Variants in TLN2 observed in about 807,000 individuals in gnomAD.
TLN2 encodes the protein talin-2.
In TLN2, 118 loss-of-function variants were observed where a neutral mutation model predicts 294.7. The ratio of observed to expected loss-of-function variants is 0.40; its 90% CI spans 0.34 to 0.47. The LOEUF (loss-of-function observed/expected upper bound fraction) is 0.47, where lower values mean the gene tolerates loss of function less well. Among genes scored for constraint, TLN2 ranks in the 20% least tolerant of loss-of-function variants. The probability of loss-of-function intolerance (pLI) is 0.84; values close to 1 mark genes in which losing one functional copy is unlikely to be tolerated. For missense variants in TLN2, 3,083 were observed against 3,282.2 expected, an observed-to-expected ratio of 0.94 and a Z score of 1.48; for synonymous variants, 1,431 against 1,304.5, an observed-to-expected ratio of 1.10 and a Z score of -2.09.
At chr15:62,462,351 C>T (rs1445472969) in intron 1 of TLN2, among the ~76,000 whole-genome samples, 1 of 152,212 alleles carries the variant, frequency 6.6e-6, no homozygotes, top group Non-Finnish European at 1.5e-5. Context: ...GACCAGGAAA[C>T]ATGTACTTTG....
intron 55 of TLN2, chr15:62,834,620 T>C (rs1424540584): frequency 6.6e-6 from 1 of 152,190 alleles, no homozygotes; most frequent in Admixed American, 6.5e-5. Flanking sequence ...TATTCAGTAT[T>C]GGTCCATGTC....
chr15:62,825,820 A>ATATTATATAT (rs2068085717), intron 54 of TLN2, among the ~76,000 whole-genome samples: 1 of 35,826 alleles, frequency 2.8e-5, no homozygotes, highest in African/African-American at 9.8e-5. Flanking sequence ...ATATTATAAT[A>ATATTATATAT]TATATTATAA....
At chr15:62,434,665 G>A (rs767971416) in intron 1 of TLN2, among the ~76,000 whole-genome samples, 6 of 152,086 alleles carry the variant, frequency 3.9e-5, no homozygotes, top group Non-Finnish European at 4.4e-5. Context: ...AGGAGTCCTC[G>A]CCAACACAGT....
chr15:62,562,570 T>G (rs2140601841), intron 1 of TLN2, among the ~76,000 whole-genome samples: 1 of 152,150 alleles, frequency 6.6e-6, no homozygotes, highest in South Asian at 2.1e-4. Flanking sequence ...CATAGGTTTT[T>G]GGGGAACAGG....
At chr15:62,606,413 T>A (rs1018216562) in intron 2 of TLN2, among the ~76,000 whole-genome samples, 1 of 152,150 alleles carries the variant, frequency 6.6e-6, no homozygotes, top group Non-Finnish European at 1.5e-5. Flanking sequence ...TTTTTTAGGT[T>A]GAAATTATTG....
chr15:62,610,186 A>G (rs1187661958), intron 2 of TLN2, among the ~76,000 whole-genome samples: 1 of 152,234 alleles, frequency 6.6e-6, no homozygotes, highest in East Asian at 1.9e-4. Flanking sequence ...CTCATCCTAG[A>G]CTACCTCAGT....
intron 1 of TLN2, among the ~76,000 whole-genome samples, chr15:62,495,979 A>C (rs1054281057): frequency 1.3e-5 from 2 of 152,130 alleles, no homozygotes; most frequent in African/African-American, 4.8e-5. Flanking sequence ...AAACAAAAAA[A>C]CCTTCTGTTT....
intron 1 of TLN2, among the ~76,000 whole-genome samples, chr15:62,540,331 C>T (rs77635157): frequency 7.3e-5 from 11 of 150,426 alleles, no homozygotes; most frequent in East Asian, 5.8e-4. Flanking sequence ...CGGAGTGAGA[C>T]GCCATCTTAA....
intron 45 of TLN2, among the ~76,000 whole-genome samples, chr15:62,789,887 C>T (rs1012739859): frequency 3.9e-5 from 6 of 152,176 alleles, no homozygotes; most frequent in Non-Finnish European, 8.8e-5. Flanking sequence ...TAGGAAAACC[C>T]GCCTTGCTGT....
chr15:62,582,255 C>T (rs1555435729), intron 1 of TLN2, among the ~76,000 whole-genome samples: 1 of 149,202 alleles, frequency 6.7e-6, no homozygotes, highest in Non-Finnish European at 1.5e-5. Flanking sequence ...CACATTCATG[C>T]CTGACCCATT....
intron 1 of TLN2, among the ~76,000 whole-genome samples, chr15:62,552,739 A>G (rs887936129): frequency 6.6e-6 from 1 of 152,238 alleles, no homozygotes. Flanking sequence ...GTGAATTGAC[A>G]ATATATTAAA....
At chr15:62,673,985 G>A (rs1418911951) in intron 10 of TLN2, 95 bp downstream of exon 10, 37 of 871,944 alleles carry the variant, frequency 4.2e-5, no homozygotes, top group Non-Finnish European at 5.7e-5. Context: ...TTTATACCTC[G>A]TGCCTGTACT....
chr15:62,419,007 T>G, intron 1 of TLN2, among the ~76,000 whole-genome samples: 1 of 152,200 alleles, frequency 6.6e-6, no homozygotes, highest in Non-Finnish European at 1.5e-5. Flanking sequence ...TTGGAATAAC[T>G]TGGGTATGTG....
At chr15:62,519,007 A>T (rs1043560387) in intron 1 of TLN2, among the ~76,000 whole-genome samples, 2 of 152,238 alleles carry the variant, frequency 1.3e-5, no homozygotes, top group African/African-American at 2.4e-5. Context: ...TAACTTGTTT[A>T]AACTTCACAG....
intron 1 of TLN2, among the ~76,000 whole-genome samples, chr15:62,417,946 C>G (rs931881849): frequency 1.3e-5 from 2 of 152,202 alleles, no homozygotes; most frequent in African/African-American, 4.8e-5. Flanking sequence ...TCGCTTGCCC[C>G]CTGGCCTGTC....
chr15:62,592,332 A>G (rs2046141811), intron 2 of TLN2, among the ~76,000 whole-genome samples: 1 of 151,496 alleles, frequency 6.6e-6, no homozygotes. Flanking sequence ...TAACATTCTG[A>G]TTTTCTGGGA....
intron 1 of TLN2, among the ~76,000 whole-genome samples, chr15:62,471,072 G>T (rs1291757541): frequency 6.6e-6 from 1 of 152,212 alleles, no homozygotes; most frequent in African/African-American, 2.4e-5. Context: ...GGCTGGGCAT[G>T]TGTGGCTTAC....
At chr15:62,570,078 C>T (rs564891750) in intron 1 of TLN2, among the ~76,000 whole-genome samples, 1 of 152,194 alleles carries the variant, frequency 6.6e-6, no homozygotes, top group African/African-American at 2.4e-5. Context: ...CCTCCTCTTT[C>T]CTCTTCTTAA....
At chr15:62,833,976 C>T (rs1288710864) in intron 55 of TLN2, 2 of 172,886 alleles carry the variant, frequency 1.2e-5, no homozygotes, top group Admixed American at 6.3e-5. Flanking sequence ...GCACCGCATT[C>T]GGCGGCTTTT....
Sources: gnomAD v4.1 joint callset for allele counts (sites outside exome capture counted in the v4.1 genomes callset) on GRCh38, gnomAD v4.1.1 for gene constraint, MANE v1.5 for transcripts, NCBI Gene and HGNC (gene_info 2026-07-23, HGNC 2026-07-21) for gene names.